Variants in PVT1 observed in about 807,000 individuals in gnomAD.
PVT1 encodes CXCR4/PVT1 fusion.
At chr8:127,914,094 A>C (rs753708187) in intron 3 of PVT1, among the ~76,000 whole-genome samples, 1 of 152,062 alleles carries the variant, frequency 6.6e-6, no homozygotes, top group Non-Finnish European at 1.5e-5. Context: ...CAGAATGGGC[A>C]GAAGACTTGA....
chr8:127,942,406 G>C (rs753944844), intron 3 of PVT1, among the ~76,000 whole-genome samples: 1 of 152,114 alleles, frequency 6.6e-6, no homozygotes, highest in Non-Finnish European at 1.5e-5. Flanking sequence ...TCTCATTAAG[G>C]CTTCTCCTGC....
At chr8:127,891,853 G>T (rs116915072) in intron 3 of PVT1, among the ~76,000 whole-genome samples, 3,765 of 152,316 alleles carry the variant, frequency 0.025, 65 homozygotes, top group Middle Eastern at 0.061. Flanking sequence ...ATGAGGAAAT[G>T]GAGTCTCATG....
rs1037037572 is a variant in PVT1, at chr8:127,956,554, G to A, written n.783-32608G>A. Among the ~76,000 whole-genome samples the A allele has an allele frequency of 3.3e-5, 5 of 152,194 alleles. 1 individual carries two copies. The South Asian group carries it at 1.0e-3, about 32-fold the overall frequency. On this transcript the variant is annotated intron_variant and non_coding_transcript_variant, in intron 3 of 10. Coordinates refer to ENST00000651587, the Ensembl canonical transcript of PVT1. ...GGCTGGAGTGCAGTGGCGTGATCTC[G>A]GCTCACTGTAACCTCTGCCTCCTGA...
intron 4 of PVT1, among the ~76,000 whole-genome samples, chr8:128,030,955 C>T (rs1040357470): frequency 6.6e-6 from 1 of 152,214 alleles, no homozygotes. Context: ...ATCTCTCCAT[C>T]CTGGATTCAA....
At chr8:127,797,207 T>C (rs1407966138) in intron 2 of PVT1, among the ~76,000 whole-genome samples, 2 of 152,214 alleles carry the variant, frequency 1.3e-5, no homozygotes, top group East Asian at 3.8e-4. Context: ...TAATTTTGTA[T>C]TTTTAGTAGA....
At chr8:127,919,982 C>T (rs565422925) in intron 3 of PVT1, among the ~76,000 whole-genome samples, 6 of 152,312 alleles carry the variant, frequency 3.9e-5, no homozygotes, top group African/African-American at 1.2e-4. Context: ...AAACACTTGG[C>T]CTGACACACC....
chr8:128,088,528 C>T (rs762685000), intron 5 of PVT1, among the ~76,000 whole-genome samples: 14 of 152,196 alleles, frequency 9.2e-5, no homozygotes, highest in Non-Finnish European at 1.5e-4. Flanking sequence ...TGCAGGTATT[C>T]GGGGATTGTC....
chr8:127,910,068 T>G (rs1221237418), intron 3 of PVT1, among the ~76,000 whole-genome samples: 2 of 151,788 alleles, frequency 1.3e-5, no homozygotes, highest in Non-Finnish European at 2.9e-5. Context: ...GGGAGTGGGG[T>G]GCAGGGAAGG....
intron 2 of PVT1, among the ~76,000 whole-genome samples, chr8:127,868,547 C>T (rs1200230577): frequency 6.6e-6 from 1 of 151,350 alleles, no homozygotes; most frequent in Non-Finnish European, 1.5e-5. Flanking sequence ...GCCACCACAC[C>T]CAGCTAATTT....
At chr8:127,978,176 G>A (rs1247781481) in intron 3 of PVT1, among the ~76,000 whole-genome samples, 2 of 152,028 alleles carry the variant, frequency 1.3e-5, no homozygotes, top group Admixed American at 6.5e-5. Context: ...TTAAGAGATA[G>A]GGTCTTGCTC....
Position 127,872,807 on chromosome 8 carries a change from G to A in PVT1, n.373-17782G>A, listed in dbSNP as rs1357425332. Among the ~76,000 whole-genome samples the A allele has an allele frequency of 2.6e-5, 4 of 152,232 alleles. No homozygotes were observed. The East Asian group carries it at 7.7e-4, about 29-fold the overall frequency. ...GCCACTGTCAAAGGCCATCATGAGAGTTACAGCAGACTTTTGATGAAATTA... is the reference window on the plus strand; with the variant it reads ...GCCACTGTCAAAGGCCATCATGAGAATTACAGCAGACTTTTGATGAAATTA... On this transcript the variant is annotated intron_variant and non_coding_transcript_variant, in intron 2 of 10. Transcript: ENST00000651587.
intron 3 of PVT1, among the ~76,000 whole-genome samples, chr8:127,925,350 A>T (rs1816116541): frequency 6.6e-6 from 1 of 152,220 alleles, no homozygotes; most frequent in South Asian, 2.1e-4. Flanking sequence ...ATAGTTGAAA[A>T]AATCAAAAAA....
intron 3 of PVT1, among the ~76,000 whole-genome samples, chr8:127,937,798 G>A (rs936575927): frequency 2.0e-5 from 3 of 152,106 alleles, no homozygotes; most frequent in Non-Finnish European, 4.4e-5. Context: ...TATGGGCATC[G>A]AACAAGGGCA....
intron 4 of PVT1, among the ~76,000 whole-genome samples, chr8:128,064,605 C>T (rs1813879185): frequency 6.6e-6 from 1 of 152,318 alleles, no homozygotes; most frequent in Non-Finnish European, 1.5e-5. Flanking sequence ...CTGCAAATGA[C>T]ATTTTTACCG....
At chr8:128,000,685 TC>T (rs1348603512) in intron 4 of PVT1, among the ~76,000 whole-genome samples, 1 of 152,244 alleles carries the variant, frequency 6.6e-6, no homozygotes, top group Non-Finnish European at 1.5e-5. Flanking sequence ...AGCAATACTT[TC>T]CTGGCAGCAG....
chr8:128,053,434 G>C (rs1431248715), intron 4 of PVT1, among the ~76,000 whole-genome samples: 3 of 149,042 alleles, frequency 2.0e-5, no homozygotes, highest in Non-Finnish European at 4.4e-5. Flanking sequence ...ACCTATATAT[G>C]TGTATTTTAT....
intron 4 of PVT1, among the ~76,000 whole-genome samples, chr8:128,021,290 CTTTT>C (rs11438511): frequency 1.5e-4 from 12 of 81,140 alleles, no homozygotes; most frequent in Middle Eastern, 0.011. Context: ...AGGACTTGTG[CTTTT>C]TTTTTTTTTT....
chr8:127,837,152 ACCTAGTC>A (rs1367174876), intron 2 of PVT1, among the ~76,000 whole-genome samples: 1 of 152,056 alleles, frequency 6.6e-6, no homozygotes, highest in Non-Finnish European at 1.5e-5. Flanking sequence ...CATAATTATC[ACCTAGTC>A]CCCAGAGAAG....
intron 4 of PVT1, among the ~76,000 whole-genome samples, chr8:128,013,484 C>T (rs1400291472): frequency 6.6e-6 from 1 of 151,996 alleles, no homozygotes; most frequent in East Asian, 1.9e-4. Context: ...GTTTTTGTGT[C>T]CCTAACCTGA....
Sources: allele counts gnomAD v4.1 joint callset (sites outside exome capture counted in the v4.1 genomes callset), GRCh38; gene constraint gnomAD v4.1.1; transcripts MANE v1.5; gene names NCBI Gene and HGNC (gene_info 2026-07-23, HGNC 2026-07-21).